Variants in KAZN observed in about 807,000 individuals in gnomAD.
The protein encoded by KAZN is kazrin, periplakin interacting protein, also known as kazrin.
In KAZN, 40 loss-of-function variants were observed where a neutral mutation model predicts 87.4. That is an observed-to-expected ratio of 0.46 (90% confidence interval 0.36 to 0.60). KAZN has a LOEUF of 0.60. Among genes scored for constraint, KAZN ranks in the 20% least tolerant of loss-of-function variants. The pLI, the probability that KAZN is intolerant of heterozygous loss-of-function variation, is 0.00. For missense variants in KAZN, 898 were observed against 1,073.9 expected, an observed-to-expected ratio of 0.84 and a Z score of 2.29; for synonymous variants, 466 against 458.3, an observed-to-expected ratio of 1.02 and a Z score of -0.22.
intron 1 of KAZN, among the ~76,000 whole-genome samples, chr1:13,924,603 C>T (rs1019897661): frequency 3.9e-5 from 6 of 152,150 alleles, no homozygotes; most frequent in African/African-American, 9.7e-5. Context: ...ATCTGATTGC[C>T]TCCTTTGGAG....
At chr1:14,554,385 G>A (rs1415685482) in intron 2 of KAZN, among the ~76,000 whole-genome samples, 3 of 152,312 alleles carry the variant, frequency 2.0e-5, no homozygotes, top group East Asian at 3.9e-4. Context: ...AGTCCCAGGA[G>A]GCCTTGGGTT....
At chr1:14,215,739 G>A (rs2100472726) in intron 2 of KAZN, among the ~76,000 whole-genome samples, 1 of 152,206 alleles carries the variant, frequency 6.6e-6, no homozygotes, top group African/African-American at 2.4e-5. Flanking sequence ...AATAATAATT[G>A]GTGAGGGTGG....
In KAZN at chr1:14,764,001, G is replaced by A. The variant is rs150046154; in HGVS notation, c.226+164778G>A. On this transcript the variant is annotated intron_variant, in intron 1 of 14. Coordinates refer to ENST00000376030, the MANE Select transcript of KAZN (RefSeq NM_201628.3). ...TGACCTCAAGTGATCCACCCATCTCGGCCTCCCAAAGTGCTGAGATTACAG... is the reference window on the plus strand; with the variant it reads ...TGACCTCAAGTGATCCACCCATCTCAGCCTCCCAAAGTGCTGAGATTACAG... 1.9e-3 allele frequency among the ~76,000 whole-genome samples: 287 copies of A among 152,116 alleles called. 1 individual carries two copies. Among genetic ancestry groups the A allele is most frequent in the African/African-American group, 6.6e-3 (272 of 41,514 alleles).
intron 1 of KAZN, among the ~76,000 whole-genome samples, chr1:14,017,545 G>A (rs922054577): frequency 2.6e-5 from 4 of 152,168 alleles, no homozygotes; most frequent in African/African-American, 9.7e-5. Flanking sequence ...CCTGCCCAAG[G>A]GCATCACGTA....
At chr1:14,138,701 C>T (rs1645164469) in intron 1 of KAZN, among the ~76,000 whole-genome samples, 1 of 152,222 alleles carries the variant, frequency 6.6e-6, no homozygotes, top group Non-Finnish European at 1.5e-5. Flanking sequence ...TCCCCCATCG[C>T]ACCATCTCCA....
chr1:14,430,664 G>A (rs1666009285), intron 2 of KAZN, among the ~76,000 whole-genome samples: 1 of 152,228 alleles, frequency 6.6e-6, no homozygotes, highest in Non-Finnish European at 1.5e-5. Context: ...GCCAGACAGA[G>A]GATAATCACA....
At chr1:13,960,850 G>A (rs1040617626) in intron 1 of KAZN, among the ~76,000 whole-genome samples, 4 of 152,086 alleles carry the variant, frequency 2.6e-5, no homozygotes, top group African/African-American at 9.7e-5. Flanking sequence ...CTCTCCTGGG[G>A]CTTCAGGACC....
At chr1:14,803,522 A>G (rs12144050) in intron 1 of KAZN, among the ~76,000 whole-genome samples, 11,018 of 152,280 alleles carry the variant, frequency 0.072, 457 homozygotes, top group Admixed American at 0.12. Flanking sequence ...CCCCATGCCA[A>G]TGTTGCCTCC....
rs559260333 is a variant in KAZN at position 14,846,699 on chromosome 1, TATC to T, written c.227-113981_227-113979del. 5.4e-4 allele frequency among the ~76,000 whole-genome samples: 82 copies of T among 152,322 alleles called. 2 individuals are homozygous for T. The South Asian group carries it at 0.015, about 28-fold the overall frequency. ...ATGACCTTGAGAATCAGGGGGGAGT[TATC>T]ATCCTCATTTTGCAGCTGACAATAA... On this transcript the variant is annotated intron_variant, in intron 1 of 14. Coordinates refer to ENST00000376030, the MANE Select transcript of KAZN (RefSeq NM_201628.3).
intron 2 of KAZN, among the ~76,000 whole-genome samples, chr1:14,209,426 A>G (rs999369153): frequency 1.3e-5 from 2 of 152,236 alleles, no homozygotes; most frequent in Non-Finnish European, 2.9e-5. Flanking sequence ...TCTCCATTTC[A>G]GTAAGTAAAA....
intron 1 of KAZN, among the ~76,000 whole-genome samples, chr1:14,721,830 T>C (rs12758392): frequency 0.18 from 26,997 of 152,118 alleles, 2,662 homozygotes; most frequent in Non-Finnish European, 0.22. Flanking sequence ...GAAATACATA[T>C]ACTCTGGGAT....
chr1:14,582,598 T>C (rs1675622862), intron 2 of KAZN, among the ~76,000 whole-genome samples: 1 of 152,166 alleles, frequency 6.6e-6, no homozygotes, highest in African/African-American at 2.4e-5. Flanking sequence ...GGATGGGCAC[T>C]GGAGGAATGG....
intron 8 of KAZN, among the ~76,000 whole-genome samples, chr1:15,092,286 G>A (rs1410497667): frequency 1.3e-5 from 2 of 151,804 alleles, no homozygotes; most frequent in Non-Finnish European, 2.9e-5. Flanking sequence ...TGTTGGTCAG[G>A]CTGGTCTTGA....
chr1:14,434,596 G>A (rs564477365), intron 2 of KAZN, among the ~76,000 whole-genome samples: 93 of 152,346 alleles, frequency 6.1e-4, no homozygotes, highest in African/African-American at 2.1e-3. Flanking sequence ...GGAGCTGGCT[G>A]AGAACACTGG....
At chr1:13,965,599 T>A (rs1196291689) in intron 1 of KAZN, among the ~76,000 whole-genome samples, 2 of 152,170 alleles carry the variant, frequency 1.3e-5, no homozygotes, top group African/African-American at 4.8e-5. Flanking sequence ...CCAGCAAGAC[T>A]GGGAGCTTCC....
intron 1 of KAZN, among the ~76,000 whole-genome samples, chr1:14,122,190 G>C (rs989924906): frequency 6.6e-5 from 10 of 152,146 alleles, no homozygotes; most frequent in Non-Finnish European, 1.5e-4. Context: ...GTAAGAGGTG[G>C]TCAGATTCTG....
At chr1:14,373,492 G>A (rs1055598445) in intron 2 of KAZN, among the ~76,000 whole-genome samples, 3 of 152,004 alleles carry the variant, frequency 2.0e-5, no homozygotes, top group Non-Finnish European at 4.4e-5. Context: ...CCTCACTTTG[G>A]GAAGGGCAAA....
rs565646182 is a variant in KAZN at position 14,593,421 on chromosome 1, C to T, written c.250-5562C>T. Among the ~76,000 whole-genome samples, 365 of 152,056 alleles carry T rather than the reference C, an allele frequency of 2.4e-3. 2 individuals are homozygous for T. Among genetic ancestry groups the T allele is most frequent in the African/African-American group, 8.3e-3 (343 of 41,472 alleles). On this transcript the variant is annotated intron_variant, in intron 2 of 16. Transcript: ENST00000636203. ...CACGGTCTGGCTCATTGGGTACATG[C>T]GGGGGAGGGACGGAGTAGTTTTAGC...
intron 2 of KAZN, among the ~76,000 whole-genome samples, chr1:14,308,602 G>A (rs1267535791): frequency 6.6e-6 from 1 of 152,154 alleles, no homozygotes; most frequent in East Asian, 1.9e-4. Flanking sequence ...TGTACTGCCT[G>A]GTGTAAATCC....
Sources: gnomAD v4.1 joint callset for allele counts (sites outside exome capture counted in the v4.1 genomes callset) on GRCh38, gnomAD v4.1.1 for gene constraint, MANE v1.5 for transcripts, NCBI Gene and HGNC (gene_info 2026-07-23, HGNC 2026-07-21) for gene names.